Variants in PLD5 observed in about 807,000 individuals in gnomAD.
PLD5 encodes inactive phospholipase D5.
In PLD5, 36 loss-of-function variants were observed where a neutral mutation model predicts 61.1. That is an observed-to-expected ratio of 0.59 (90% CI 0.45 to 0.78). The LOEUF is 0.78. PLD5 is among the 30% of genes least tolerant of loss of function. The pLI is 0.00. For synonymous variants in PLD5, 243 were observed against 242.8 expected (o/e 1.00, Z -0.01); for missense variants, 515 against 644.4 (o/e 0.80, Z 2.17).
chr1:242,470,532 C>T (rs972638303), intron 1 of PLD5, among the ~76,000 whole-genome samples: 9 of 151,976 alleles, frequency 5.9e-5, no homozygotes, highest in Non-Finnish European at 1.2e-4. Flanking sequence ...ATCATAAAAC[C>T]AACCATGCAA....
intron 1 of PLD5, chr1:242,376,889 T>G (rs745332303): frequency 1.3e-5 from 21 of 1,562,568 alleles, no homozygotes; most frequent in Non-Finnish European, 1.8e-5. Flanking sequence ...TATTCCAATG[T>G]GGACAGGGAT....
intron 1 of PLD5, among the ~76,000 whole-genome samples, chr1:242,484,652 C>A (rs1158580110): frequency 6.6e-6 from 1 of 152,182 alleles, no homozygotes. Flanking sequence ...TGGTACCATT[C>A]CTTCTAAAAC....
At chr1:242,326,583 A>G (rs940607523) in intron 2 of PLD5, among the ~76,000 whole-genome samples, 36 of 152,202 alleles carry the variant, frequency 2.4e-4, no homozygotes, top group African/African-American at 8.7e-4. Context: ...AAAACCTACA[A>G]CTAAAAACTA....
At chr1:242,388,064 A>G (rs1662703529) in intron 1 of PLD5, among the ~76,000 whole-genome samples, 1 of 152,248 alleles carries the variant, frequency 6.6e-6, no homozygotes, top group Non-Finnish European at 1.5e-5. Flanking sequence ...GAGGGACAAC[A>G]GAAACTATTG....
chr1:242,286,319 C>T (rs987184074), intron 3 of PLD5, among the ~76,000 whole-genome samples: 8 of 151,896 alleles, frequency 5.3e-5, no homozygotes, highest in African/African-American at 1.9e-4. Context: ...CAAAATATGT[C>T]AGGTTGGTAT....
At chr1:242,466,184 CA>C (rs1431258650) in intron 1 of PLD5, among the ~76,000 whole-genome samples, 1 of 152,154 alleles carries the variant, frequency 6.6e-6, no homozygotes, top group Non-Finnish European at 1.5e-5. Context: ...CATATAATTG[CA>C]AAATAGTATT....
intron 6 of PLD5, among the ~76,000 whole-genome samples, chr1:242,121,021 CTT>C (rs1002696447): frequency 1.3e-5 from 2 of 152,136 alleles, no homozygotes; most frequent in East Asian, 1.9e-4. Flanking sequence ...TTCAAATACT[CTT>C]TATGTATGTG....
intron 4 of PLD5, among the ~76,000 whole-genome samples, chr1:242,252,144 G>T (rs1238373941): frequency 1.3e-5 from 2 of 152,094 alleles, no homozygotes; most frequent in African/African-American, 2.4e-5. Context: ...GGAAGGAAAT[G>T]AGCTAAAAAA....
chr1:242,169,104 C>T (rs1250663557), intron 5 of PLD5, among the ~76,000 whole-genome samples: 1 of 151,798 alleles, frequency 6.6e-6, no homozygotes, highest in African/African-American at 2.4e-5. Flanking sequence ...CTTTCTCAGG[C>T]AACCATTAGT....
chr1:242,438,669 T>C (rs1666128578), intron 1 of PLD5, among the ~76,000 whole-genome samples: 1 of 152,116 alleles, frequency 6.6e-6, no homozygotes, highest in South Asian at 2.1e-4. Flanking sequence ...GGTCTCGAAC[T>C]CCTGACCTCG....
At chr1:242,102,122 G>C (rs916156305) in intron 8 of PLD5, among the ~76,000 whole-genome samples, 1 of 152,156 alleles carries the variant, frequency 6.6e-6, no homozygotes, top group African/African-American at 2.4e-5. Context: ...TGAATGTTGA[G>C]GGCATCACCA....
chr1:242,370,486 A>G (rs972882532), intron 1 of PLD5, among the ~76,000 whole-genome samples: 4 of 152,068 alleles, frequency 2.6e-5, no homozygotes, highest in African/African-American at 7.2e-5. Context: ...CTAATAGTAC[A>G]GAGGGCTGAG....
chr1:242,294,280 T>A (rs1675529107), intron 2 of PLD5, among the ~76,000 whole-genome samples: 2 of 152,226 alleles, frequency 1.3e-5, no homozygotes, highest in African/African-American at 4.8e-5. Flanking sequence ...AAGAAAAAGC[T>A]TTTTACATTG....
intron 5 of PLD5, among the ~76,000 whole-genome samples, chr1:242,161,479 T>C (rs1665824575): frequency 6.7e-6 from 1 of 149,288 alleles, no homozygotes; most frequent in Non-Finnish European, 1.5e-5. Context: ...AAAAAAAAAA[T>C]AGTATTAAAG....
intron 5 of PLD5, among the ~76,000 whole-genome samples, chr1:242,133,905 A>ATAATTT (rs1663499378): frequency 6.6e-6 from 1 of 152,240 alleles, no homozygotes; most frequent in Non-Finnish European, 1.5e-5. Flanking sequence ...TTCTTGCAGT[A>ATAATTT]CTTTAATTTC....
At chr1:242,185,320 G>A (rs1267008176) in intron 5 of PLD5, among the ~76,000 whole-genome samples, 3 of 152,142 alleles carry the variant, frequency 2.0e-5, no homozygotes, top group African/African-American at 7.2e-5. Flanking sequence ...AAGACAGTAA[G>A]GGAGAAAGAG....
chr1:242,294,897 T>C (rs981324723), intron 2 of PLD5, among the ~76,000 whole-genome samples: 1 of 152,246 alleles, frequency 6.6e-6, no homozygotes, highest in African/African-American at 2.4e-5. Flanking sequence ...AACTGGTGCC[T>C]ACACGACATT....
intron 2 of PLD5, among the ~76,000 whole-genome samples, chr1:242,337,467 C>A (rs867001288): frequency 6.6e-6 from 1 of 151,942 alleles, no homozygotes; most frequent in Admixed American, 6.6e-5. Context: ...CCCGTCTCTA[C>A]TAAAAATACA....
upstream of PLD5, chr1:242,524,725 G>A (rs2103016130): frequency 6.8e-6 from 1 of 146,606 alleles, no homozygotes; most frequent in Admixed American, 6.8e-5. Context: ...CCGGGGCGGC[G>A]GCGGCGGCGG....
Sources: allele counts gnomAD v4.1 joint callset (sites outside exome capture counted in the v4.1 genomes callset), GRCh38; gene constraint gnomAD v4.1.1; transcripts MANE v1.5; gene names NCBI Gene and HGNC (gene_info 2026-07-23, HGNC 2026-07-21).